Variants in PTGDR observed in about 807,000 individuals in gnomAD.
PTGDR encodes PGD2 receptor.
A neutral mutation model predicts 17.4 loss-of-function variants in PTGDR; 19 were observed. The observed-to-expected ratio is 1.09, with a 90% confidence interval of 0.76 to 1.60. PTGDR has a LOEUF of 1.60. Among genes scored for constraint, PTGDR ranks in the 40% most tolerant of loss-of-function variants. The probability of loss-of-function intolerance (pLI) is 0.00; values close to 1 mark genes in which losing one functional copy is unlikely to be tolerated. For synonymous variants in PTGDR, 267 were observed against 224.2 expected (o/e 1.19, Z -1.71); for missense variants, 526 against 481.9 (o/e 1.09, Z -0.86).
intron 1 of PTGDR, among the ~76,000 whole-genome samples, chr14:52,272,835 T>G (rs1304759057): frequency 6.6e-6 from 1 of 152,176 alleles, no homozygotes; most frequent in Non-Finnish European, 1.5e-5. Flanking sequence ...ATCTCTGATT[T>G]CATGGATTCT....
downstream of PTGDR, among the ~76,000 whole-genome samples, chr14:52,279,169 G>A (rs985577901): frequency 6.6e-5 from 10 of 152,114 alleles, no homozygotes; most frequent in Admixed American, 2.6e-4. Context: ...TAAAATGTAC[G>A]TCTATTCAAT....
At chr14:52,269,654 G>A (rs1357315233) in intron 1 of PTGDR, 2 of 913,678 alleles carry the variant, frequency 2.2e-6, no homozygotes, top group African/African-American at 1.7e-5. Flanking sequence ...TCAGAATGTA[G>A]CCATTTTGGA....
chr14:52,278,025 T>C (rs2033449679), downstream of PTGDR, among the ~76,000 whole-genome samples: 1 of 152,208 alleles, frequency 6.6e-6, no homozygotes, highest in African/African-American at 2.4e-5. Flanking sequence ...TACAGCTTTG[T>C]AAACTAGTTC....
intron 1 of PTGDR, among the ~76,000 whole-genome samples, chr14:52,271,700 CAT>C (rs2033325990): frequency 6.6e-6 from 1 of 152,226 alleles, no homozygotes; most frequent in Admixed American, 6.5e-5. Context: ...TAAACAACCA[CAT>C]ATTCTATTCT....
In PTGDR at chr14:52,275,045, C is replaced by T; in HGVS notation, c.*81C>T. ...ACCATGATTAAAAAAAAAAAGACAA[C>T]TTACAATTTAAATCCTTAAAAGTTA... On this transcript the variant is annotated 3_prime_UTR_variant, in exon 2 of 2. Coordinates refer to ENST00000306051, the MANE Select transcript of PTGDR (RefSeq NM_000953.3). 2.6e-6 allele frequency: 3 copies of T among 1,141,020 alleles called. No homozygotes were observed. Among genetic ancestry groups the T allele is most frequent in the South Asian group, 1.6e-5 (1 of 63,832 alleles). 70.7% of individuals were successfully genotyped at this position (1,141,020 alleles called of 1,614,324 possible).
In PTGDR at chr14:52,267,987, C is replaced by T. The variant is rs1277452706; in HGVS notation, c.173C>T (p.Pro58Leu). The T allele has an allele frequency of 6.2e-7, 1 of 1,609,538 alleles. No individual in the cohort carries two copies. The highest frequency in any genetic ancestry group is 1.3e-5 in the African/African-American group (1 of 74,928). ...WCSRRPLRPL[P>L]SVFYMLVCGL... is the part of the protein sequence containing the mutation. ...TCGCGGCGTCCACTGCGCCCGCTGC[C>T]CTCGGTCTTCTACATGCTGGTGTGT... is the stretch of plus-strand genomic sequence containing the variant. Residue 58 changes from proline to leucine, a missense_variant, in exon 1 of 2, where the codon CCC becomes CTC. Physicochemically the swap from Pro to Leu is moderately conservative, Grantham distance 98. Transcript: ENST00000306051.
At position 52,268,420 on chromosome 14, in the gene PTGDR, C is replaced by T. The variant is rs2033255550; in HGVS notation, c.606C>T (p.Leu202=). Residue 202 remains leucine (L), a synonymous_variant, in exon 1 of 2, where the codon CTC becomes CTT. Coordinates refer to ENST00000306051, the MANE Select transcript of PTGDR (RefSeq NM_000953.3). The stretch of plus-strand genomic sequence containing the variant: ...TGTCGGTGCTGGGGTACTCTGTGCT[C>T]TACTCCAGCCTCATGGCGCTGCTGG... The part of the protein sequence containing the change: ...GSLSVLGYSV[L]YSSLMALLVL... The T allele has an allele frequency of 1.9e-6, 3 of 1,610,542 alleles. No individual in the cohort carries two copies. The Admixed American group carries it at 5.0e-5, about 27-fold the overall frequency.
At chr14:52,268,806 TTGG>T (rs995179228) in intron 1 of PTGDR, 146 bp downstream of exon 1, 1 of 868,532 alleles carries the variant, frequency 1.2e-6, no homozygotes, top group African/African-American at 1.7e-5. Context: ...GTTCCCCAAA[TTGG>T]ATTCCTTCCA....
At position 52,267,815 on chromosome 14, in the gene PTGDR, A is replaced by ATGAAGTCGCCGT; in HGVS notation, c.3_14dup (p.Pro4_Phe5insLeuLysSerPro). ...CTCCAGCCCTCTGCTCCCGCACGCC[A>ATGAAGTCGCCGT]TGAAGTCGCCGTTCTACCGCTGCCA... On this transcript the variant is annotated inframe_insertion, in exon 1 of 2. Coordinates refer to ENST00000306051, the MANE Select transcript of PTGDR (RefSeq NM_000953.3). The ATGAAGTCGCCGT allele has an allele frequency of 6.4e-7, 1 of 1,553,180 alleles. No homozygotes were observed. The highest frequency in any genetic ancestry group is 2.3e-5 in the East Asian group (1 of 44,280).
chr14:52,274,070 G>GA (rs2033372337), intron 1 of PTGDR, among the ~76,000 whole-genome samples: 1 of 147,980 alleles, frequency 6.8e-6, no homozygotes. Context: ...CTTCTAGATT[G>GA]AACAAGAAAA....
chr14:52,269,914 G>T (rs564038676), intron 1 of PTGDR, among the ~76,000 whole-genome samples: 1 of 152,238 alleles, frequency 6.6e-6, no homozygotes, highest in Admixed American at 6.5e-5. Context: ...AAAAAAAGAT[G>T]GCTGGACCCC....
chr14:52,269,457 G>A (rs1335226562), intron 1 of PTGDR: 1 of 1,533,288 alleles, frequency 6.5e-7, no homozygotes, highest in South Asian at 1.2e-5. Flanking sequence ...GAAGGCATTT[G>A]TTCCTGGAGT....
At position 52,267,751 on chromosome 14, in the gene PTGDR, C is replaced by T; in HGVS notation, c.-64C>T. 6.7e-7 allele frequency: 1 copy of T among 1,485,048 alleles called. No homozygotes were observed. Among genetic ancestry groups the T allele is most frequent in the Non-Finnish European group, 8.9e-7 (1 of 1,121,704 alleles). 92.0% of individuals were successfully genotyped at this position (1,485,048 alleles called of 1,614,324 possible). On this transcript the variant is annotated 5_prime_UTR_variant, in exon 1 of 2. Transcript: ENST00000306051. ...CGCGGAGCTGCCGGGGGCTCCTTAG[C>T]ACCCGGGCGCCGGGGCCCTCGCCCT...
intron 1 of PTGDR, among the ~76,000 whole-genome samples, chr14:52,272,791 C>T (rs1300669515): frequency 6.6e-6 from 1 of 152,158 alleles, no homozygotes; most frequent in African/African-American, 2.4e-5. Context: ...ATTCTTTCTG[C>T]TCCTCAAAAT....
intron 1 of PTGDR, 102 bp downstream of exon 1, chr14:52,268,762 A>C: frequency 7.8e-7 from 1 of 1,282,968 alleles, no homozygotes; most frequent in Non-Finnish European, 1.1e-6. Context: ...GCGCCAGGCG[A>C]GCTGCGCCCT....
chr14:52,271,657 C>T (rs1054614045), intron 1 of PTGDR, among the ~76,000 whole-genome samples: 3 of 152,226 alleles, frequency 2.0e-5, no homozygotes, highest in Admixed American at 6.5e-5. Context: ...TACCCTCAAC[C>T]TGCCACCTTA....
rs1219271793 is a variant in PTGDR at position 52,275,288 on chromosome 14, G to A, written c.*324G>A. On this transcript the variant is annotated 3_prime_UTR_variant, in exon 2 of 2. Coordinates refer to ENST00000306051, the MANE Select transcript of PTGDR (RefSeq NM_000953.3). The stretch of plus-strand genomic sequence containing the variant: ...TTGGTGGCCCTATTTTTTTTTTTTA[G>A]AGAGGCCTTGAGACATACAGGTCTT... 1.8e-5 allele frequency: 4 copies of A among 216,432 alleles called. No homozygotes were observed. Among genetic ancestry groups the A allele is most frequent in the South Asian group, 1.7e-4 (2 of 11,848 alleles). The allele number at this position is 216,432 out of a possible 1,614,324, so 13.4% of individuals were successfully genotyped here.
chr14:52,275,062 T>C lies in PTGDR; in HGVS notation c.*98T>C. The C allele has an allele frequency of 1.0e-6, 1 of 986,836 alleles. No individual in the cohort carries two copies. Among genetic ancestry groups the C allele is most frequent in the Non-Finnish European group, 1.5e-6 (1 of 679,446 alleles). 61.1% of individuals were successfully genotyped at this position (986,836 alleles called of 1,614,324 possible). On this transcript the variant is annotated 3_prime_UTR_variant, in exon 2 of 2. Coordinates refer to ENST00000306051, the MANE Select transcript of PTGDR (RefSeq NM_000953.3). ...AAAGACAACTTACAATTTAAATCCTTAAAAGTTACCTCCCATAACAAAAGC... is the reference window on the plus strand; with the variant it reads ...AAAGACAACTTACAATTTAAATCCTCAAAAGTTACCTCCCATAACAAAAGC...
intron 1 of PTGDR, among the ~76,000 whole-genome samples, chr14:52,272,017 A>G (rs1566483104): frequency 6.6e-6 from 1 of 152,224 alleles, no homozygotes; most frequent in Non-Finnish European, 1.5e-5. Flanking sequence ...GGAGTGTGGC[A>G]AAATATAGTT....
Sources: gnomAD v4.1 joint callset for allele counts (sites outside exome capture counted in the v4.1 genomes callset) on GRCh38, gnomAD v4.1.1 for gene constraint, MANE v1.5 for transcripts, NCBI Gene and HGNC (gene_info 2026-07-23, HGNC 2026-07-21) for gene names.